Variants in NEGR1 observed in about 807,000 individuals in gnomAD.
NEGR1 encodes IgLON family member 4.
NEGR1 carries 10 observed loss-of-function variants against 40.9 expected under a neutral mutation model. The observed-to-expected ratio is 0.24, with a 90% CI of 0.15 to 0.42. NEGR1 has a LOEUF of 0.42. NEGR1 is among the 10% of genes least tolerant of loss of function. The probability of loss-of-function intolerance (pLI) is 1.00; values close to 1 mark genes in which losing one functional copy is unlikely to be tolerated. For synonymous variants in NEGR1, 185 were observed against 166.8 expected, an observed-to-expected ratio of 1.11 and a Z score of -0.84; for missense variants, 352 against 438.9, an observed-to-expected ratio of 0.80 and a Z score of 1.77.
intron 1 of NEGR1, among the ~76,000 whole-genome samples, chr1:72,061,960 C>T (rs1569897501): frequency 6.6e-6 from 1 of 151,748 alleles, no homozygotes; most frequent in East Asian, 1.9e-4. Context: ...CAGACTTCTT[C>T]CCACATTGCT....
Position 71,551,466 on chromosome 1 carries a change from G to T in NEGR1, c.940+41351C>A, listed in dbSNP as rs182576675. 3.3e-3 allele frequency among the ~76,000 whole-genome samples: 508 copies of T among 151,644 alleles called. 2 individuals are homozygous for T. The highest frequency in any genetic ancestry group is 0.012 in the African/African-American group (478 of 41,430). On this transcript the variant is annotated intron_variant, in intron 6 of 6. Coordinates refer to ENST00000357731, the MANE Select transcript of NEGR1 (RefSeq NM_173808.3). ...AAATTTAATCAGGTAAATTCAGTGTGATATATAAAAACAAAGACTGCAAAT... is the reference window on the plus strand; with the variant it reads ...AAATTTAATCAGGTAAATTCAGTGTTATATATAAAAACAAAGACTGCAAAT...
intron 2 of NEGR1, among the ~76,000 whole-genome samples, chr1:71,801,651 G>T (rs1657563064): frequency 6.6e-6 from 1 of 151,958 alleles, no homozygotes; most frequent in Non-Finnish European, 1.5e-5. Context: ...AAATCTATTT[G>T]CCTCTAACTT....
intron 6 of NEGR1, among the ~76,000 whole-genome samples, chr1:71,565,266 G>A (rs963819003): frequency 1.3e-5 from 2 of 152,080 alleles, no homozygotes; most frequent in African/African-American, 4.8e-5. Flanking sequence ...GGGGTTACTA[G>A]GGAATTAAGA....
At chr1:72,246,343 TC>T (rs1654902800) in intron 1 of NEGR1, among the ~76,000 whole-genome samples, 1 of 152,178 alleles carries the variant, frequency 6.6e-6, no homozygotes, top group Non-Finnish European at 1.5e-5. Flanking sequence ...TAGTTTTCAA[TC>T]CTTACCTCCT....
chr1:71,523,321 A>C (rs1414616374), intron 6 of NEGR1, among the ~76,000 whole-genome samples: 1 of 151,924 alleles, frequency 6.6e-6, no homozygotes, highest in East Asian at 1.9e-4. Context: ...GATCCTTAAC[A>C]CATGAAATAT....
chr1:71,718,073 A>G (rs1456061880), intron 3 of NEGR1, among the ~76,000 whole-genome samples: 1 of 152,184 alleles, frequency 6.6e-6, no homozygotes, highest in Non-Finnish European at 1.5e-5. Context: ...TACCAAATCT[A>G]TACAAATGTC....
intron 1 of NEGR1, among the ~76,000 whole-genome samples, chr1:71,958,157 A>G (rs751984725): frequency 3.9e-5 from 6 of 152,220 alleles, no homozygotes; most frequent in Non-Finnish European, 5.9e-5. Flanking sequence ...TCCACTGAGT[A>G]CAGTTATAGC....
At chr1:72,093,329 C>CA (rs11370565) in intron 1 of NEGR1, among the ~76,000 whole-genome samples, 56,914 of 118,912 alleles carry the variant, frequency 0.48, 13,699 homozygotes, top group Admixed American at 0.59. Flanking sequence ...GACTCTGCCT[C>CA]AAAAAAAAAA....
chr1:72,205,746 C>G (rs569027312), intron 1 of NEGR1, among the ~76,000 whole-genome samples: 58 of 131,814 alleles, frequency 4.4e-4, no homozygotes, highest in South Asian at 4.3e-3. Flanking sequence ...ATGGCAAAAC[C>G]CCATTTCTAC....
chr1:71,908,520 G>A (rs990309343), intron 2 of NEGR1, among the ~76,000 whole-genome samples: 5 of 152,098 alleles, frequency 3.3e-5, no homozygotes, highest in Admixed American at 2.0e-4. Context: ...CCAATCTAAC[G>A]TCAGAAGGCA....
intron 1 of NEGR1, among the ~76,000 whole-genome samples, 173 bp downstream of exon 1, chr1:72,282,146 A>G (rs1020531529): frequency 6.6e-6 from 1 of 152,190 alleles, no homozygotes; most frequent in Non-Finnish European, 1.5e-5. Flanking sequence ...CTGCCCCAGC[A>G]TAAACGGGCC....
chr1:71,506,449 C>G, intron 6 of NEGR1, among the ~76,000 whole-genome samples: 1 of 152,126 alleles, frequency 6.6e-6, no homozygotes, highest in East Asian at 1.9e-4. Context: ...CACAACCCTG[C>G]TGGTAGAGGA....
intron 2 of NEGR1, among the ~76,000 whole-genome samples, chr1:71,914,673 A>G (rs1661520722): frequency 6.6e-6 from 1 of 152,172 alleles, no homozygotes; most frequent in Non-Finnish European, 1.5e-5. Flanking sequence ...AGTCCGATGG[A>G]AAGATAATGT....
chr1:72,227,855 GT>G (rs1654242819), intron 1 of NEGR1, among the ~76,000 whole-genome samples: 1 of 152,082 alleles, frequency 6.6e-6, no homozygotes, highest in Admixed American at 6.6e-5. Flanking sequence ...CAGAGCGCAA[GT>G]GAGTAATATT....
At chr1:72,232,193 A>C (rs1460283332) in intron 1 of NEGR1, among the ~76,000 whole-genome samples, 1 of 152,006 alleles carries the variant, frequency 6.6e-6, no homozygotes, top group Non-Finnish European at 1.5e-5. Context: ...ATCTCTACCA[A>C]AAATACAAAA....
chr1:71,913,552 C>A (rs1210978724), intron 2 of NEGR1, among the ~76,000 whole-genome samples: 4 of 151,996 alleles, frequency 2.6e-5, no homozygotes, highest in African/African-American at 4.8e-5. Flanking sequence ...GATGTCTCAG[C>A]CTTAGCAATT....
chr1:71,642,084 G>A (rs188251924), intron 4 of NEGR1, among the ~76,000 whole-genome samples: 37 of 152,046 alleles, frequency 2.4e-4, no homozygotes, highest in African/African-American at 8.2e-4. Flanking sequence ...CTATACAAAT[G>A]AGAGACAGGA....
intron 1 of NEGR1, among the ~76,000 whole-genome samples, chr1:72,124,889 A>G (rs75294562): frequency 0.016 from 2,479 of 152,210 alleles, 69 homozygotes; most frequent in African/African-American, 0.057. Context: ...TTAAAAGACT[A>G]TAATTTCTCA....
Position 71,936,173 on chromosome 1 carries a change from T to G in NEGR1, c.177-862A>C, listed in dbSNP as rs990006775. 1.6e-4 allele frequency among the ~76,000 whole-genome samples: 25 copies of G among 152,222 alleles called. 2 individuals carry two copies. The highest frequency in any genetic ancestry group is 1.4e-3 in the Admixed American group (22 of 15,266). ...GTACACTGAAACTGTAAACTATGTTTCACTGATAAAACTATAAACTATGTT... is the reference window on the plus strand; with the variant it reads ...GTACACTGAAACTGTAAACTATGTTGCACTGATAAAACTATAAACTATGTT... On this transcript the variant is annotated intron_variant, in intron 1 of 6. Transcript: ENST00000357731.
Sources: gnomAD v4.1 joint callset for allele counts (sites outside exome capture counted in the v4.1 genomes callset) on GRCh38, gnomAD v4.1.1 for gene constraint, MANE v1.5 for transcripts, NCBI Gene and HGNC (gene_info 2026-07-23, HGNC 2026-07-21) for gene names.